The following PLEKHH2 variants were observed in gnomAD, a reference collection of about 807,000 sequenced individuals.
PLEKHH2 encodes the protein pleckstrin homology, MyTH4 and FERM domain containing H2, also known as pleckstrin homology domain-containing family H member 2.
Under a neutral mutation model 187.9 loss-of-function variants are expected in PLEKHH2, and 129 were observed. The ratio of observed to expected loss-of-function variants is 0.69; its 90% CI spans 0.59 to 0.79. The LOEUF (loss-of-function observed/expected upper bound fraction) is 0.79, where lower values mean the gene tolerates loss of function less well. Among genes scored for constraint, PLEKHH2 ranks in the 30% least tolerant of loss-of-function variants. The pLI, the probability that PLEKHH2 is intolerant of heterozygous loss-of-function variation, is 0.00. For missense variants in PLEKHH2, 2,076 were observed against 1,751.2 expected (o/e 1.19, Z -3.31); for synonymous variants, 686 against 605.6 (o/e 1.13, Z -1.95).
chr2:43,753,587 T>C lies in PLEKHH2; in HGVS notation c.3654-32T>C, dbSNP rs200803356. ...ACTTTATTTCCTTGTAAGAATATAA[T>C]TTAATGAGAAATTTACTCTTTTTTT... On this transcript the variant is annotated intron_variant, in intron 24 of 29. Coordinates refer to ENST00000282406, the MANE Select transcript of PLEKHH2 (RefSeq NM_172069.4). The C allele has an allele frequency of 2.1e-6, 3 of 1,419,360 alleles. No homozygotes were observed. The South Asian group carries it at 5.0e-5, about 24-fold the overall frequency. 87.9% of individuals were successfully genotyped at this position (1,419,360 alleles called of 1,614,324 possible).
chr2:43,729,430 G>A (rs371693723), intron 17 of PLEKHH2, among the ~76,000 whole-genome samples: 275 of 152,306 alleles, frequency 1.8e-3, no homozygotes, highest in African/African-American at 6.3e-3. Flanking sequence ...AATAAGAAAA[G>A]TGTAAATAAT....
At chr2:43,668,732 G>T (rs1416963595) in intron 2 of PLEKHH2, among the ~76,000 whole-genome samples, 1 of 152,182 alleles carries the variant, frequency 6.6e-6, no homozygotes, top group African/African-American at 2.4e-5. Flanking sequence ...CAGCTACTGG[G>T]AAAGCTGAGG....
Position 43,706,380 on chromosome 2 carries a change from G to A in PLEKHH2, c.1785G>A (p.Lys595=), listed in dbSNP as rs1669657719. ...GACTTTATACATCTCTGATATACAA[G>A]AACATGACCACCCCAGTGTATACAA... ...TSGLYTSLIY[K]NMTTPVYTTL... is the part of the protein sequence containing the mutation. The change falls in exon 10 of 30, where the codon AAG becomes AAA. Residue 595 remains lysine, a synonymous_variant. Transcript: ENST00000282406. 1 of 1,607,588 alleles carries A rather than the reference G, an allele frequency of 6.2e-7. No individual in the cohort carries two copies. The highest frequency in any genetic ancestry group is 1.7e-5 in the Admixed American group (1 of 59,966).
At chr2:43,643,948 A>T (rs1666067177) in intron 1 of PLEKHH2, among the ~76,000 whole-genome samples, 1 of 152,146 alleles carries the variant, frequency 6.6e-6, no homozygotes, top group African/African-American at 2.4e-5. Context: ...AGGAAAGTTA[A>T]TATGGAAAAC....
At chr2:43,733,149 T>C (rs1004694306) in intron 19 of PLEKHH2, among the ~76,000 whole-genome samples, 8 of 152,024 alleles carry the variant, frequency 5.3e-5, no homozygotes, top group African/African-American at 1.9e-4. Context: ...GATCATGAGG[T>C]CAGGAGATCG....
At chr2:43,719,869 A>G (rs1333367239) in intron 15 of PLEKHH2, among the ~76,000 whole-genome samples, 1 of 151,888 alleles carries the variant, frequency 6.6e-6, no homozygotes, top group East Asian at 1.9e-4. Context: ...TAATGCATTC[A>G]TGGGGTACAA....
intron 2 of PLEKHH2, among the ~76,000 whole-genome samples, chr2:43,645,450 T>C (rs1454417855): frequency 6.6e-6 from 1 of 152,150 alleles, no homozygotes; most frequent in Non-Finnish European, 1.5e-5. Context: ...CAACCCATAT[T>C]CCTATTTCCA....
Position 43,710,495 on chromosome 2 carries a change from G to A in PLEKHH2, c.2221G>A (p.Val741Ile), listed in dbSNP as rs1017082411. Reference sequence around the variant, plus strand: ...GTTTTTCTGTTTCATACAGAGTGATGTAATTAGAAAACCCCAGGGCCATAT... The same window carrying A: ...GTTTTTCTGTTTCATACAGAGTGATATAATTAGAAAACCCCAGGGCCATAT... ...ELLYYKSPSD[V>I]IRKPQGHIEL... Residue 741 changes from valine (V) to isoleucine (I), a missense_variant, in exon 14 of 30, where the codon GTA becomes ATA. Transcript: ENST00000282406. The A allele has an allele frequency of 3.2e-6, 5 of 1,586,322 alleles. No individual in the cohort carries two copies. Among genetic ancestry groups the A allele is most frequent in the Non-Finnish European group, 4.3e-6 (5 of 1,171,220 alleles).
intron 2 of PLEKHH2, among the ~76,000 whole-genome samples, chr2:43,660,523 G>C (rs1325087420): frequency 3.0e-4 from 43 of 142,524 alleles, no homozygotes; most frequent in Non-Finnish European, 4.0e-4. Context: ...CATTGTGCAG[G>C]TTAGTTACAT....
chr2:43,712,117 A>G (rs1328090547), intron 14 of PLEKHH2, 108 bp from the exon 15 acceptor site: 1 of 1,399,924 alleles, frequency 7.1e-7, no homozygotes, highest in East Asian at 2.3e-5. Flanking sequence ...GAGATTTAGC[A>G]TGTTTGCTTC....
chr2:43,733,920 A>G (rs982977358), intron 19 of PLEKHH2, among the ~76,000 whole-genome samples: 1 of 152,242 alleles, frequency 6.6e-6, no homozygotes, highest in Non-Finnish European at 1.5e-5. Context: ...TTGAAAATCT[A>G]GATGATGTGG....
At chr2:43,733,499 C>G (rs1671147074) in intron 19 of PLEKHH2, among the ~76,000 whole-genome samples, 1 of 152,098 alleles carries the variant, frequency 6.6e-6, no homozygotes, top group Admixed American at 6.6e-5. Flanking sequence ...TTCATTTTTC[C>G]CTAGTCTCTT....
intron 24 of PLEKHH2, among the ~76,000 whole-genome samples, chr2:43,750,887 G>T (rs1211803562): frequency 6.6e-6 from 1 of 152,136 alleles, no homozygotes; most frequent in Non-Finnish European, 1.5e-5. Flanking sequence ...GAATCTTCCA[G>T]TTTATAGGGA....
intron 7 of PLEKHH2, among the ~76,000 whole-genome samples, chr2:43,697,827 C>G (rs1375936141): frequency 6.6e-6 from 1 of 152,048 alleles, no homozygotes; most frequent in Non-Finnish European, 1.5e-5. Flanking sequence ...GAAAAAAACC[C>G]TAGGGGATAA....
chr2:43,681,100 C>T, intron 3 of PLEKHH2: 1 of 1,041,776 alleles, frequency 9.6e-7, no homozygotes, highest in African/African-American at 1.6e-5. Context: ...CAACCAACTC[C>T]AGAATTACTA....
intron 3 of PLEKHH2, among the ~76,000 whole-genome samples, chr2:43,686,881 T>G (rs1408544999): frequency 6.6e-6 from 1 of 152,160 alleles, no homozygotes; most frequent in African/African-American, 2.4e-5. Flanking sequence ...TCTTATGAGA[T>G]CCCATCCAAG....
At chr2:43,671,570 T>C (rs1558452920) in intron 2 of PLEKHH2, among the ~76,000 whole-genome samples, 2 of 152,172 alleles carry the variant, frequency 1.3e-5, no homozygotes, top group Non-Finnish European at 1.5e-5. Flanking sequence ...GCTTTCCCAT[T>C]GAGTATGATG....
chr2:43,695,757 A>T (rs1669055216), intron 6 of PLEKHH2, among the ~76,000 whole-genome samples: 1 of 152,138 alleles, frequency 6.6e-6, no homozygotes, highest in Non-Finnish European at 1.5e-5. Context: ...AGAGACATGC[A>T]CTCCAGAAGT....
In PLEKHH2 at chr2:43,726,253, T is replaced by A; in HGVS notation, c.2542-19T>A. ...GATTTAGAAAATGCCTTCCTCACAA[T>A]TACTAATATTTACTTTAGTTTCCTT... is the stretch of plus-strand genomic sequence containing the variant. On this transcript the variant is annotated intron_variant, in intron 16 of 29. Transcript: ENST00000282406. 6.5e-7 allele frequency: 1 copy of A among 1,546,632 alleles called. No individual in the cohort carries two copies. The highest frequency in any genetic ancestry group is 8.9e-7 in the Non-Finnish European group (1 of 1,127,500).
Sources: allele counts gnomAD v4.1 joint callset (sites outside exome capture counted in the v4.1 genomes callset), GRCh38; gene constraint gnomAD v4.1.1; transcripts MANE v1.5; gene names NCBI Gene and HGNC (gene_info 2026-07-23, HGNC 2026-07-21).